Variants in RAB7A observed in about 807,000 individuals in gnomAD.
The protein encoded by RAB7A is RAB7A, member RAS oncogene family.
In RAB7A, 2 loss-of-function variants were observed where a neutral mutation model predicts 24.5. That is an observed-to-expected ratio of 0.08 (90% confidence interval 0.03 to 0.26). The LOEUF (loss-of-function observed/expected upper bound fraction) is 0.26. Among genes scored for constraint, RAB7A ranks in the 10% least tolerant of loss-of-function variants. The pLI is 1.00. For missense variants in RAB7A, 118 were observed against 255.7 expected (o/e 0.46, Z 3.67); for synonymous variants, 100 against 95.9 (o/e 1.04, Z -0.25).
chr3:128,749,857 T>C (rs1465733802), intron 1 of RAB7A, among the ~76,000 whole-genome samples: 1 of 152,224 alleles, frequency 6.6e-6, no homozygotes, highest in South Asian at 2.1e-4. Context: ...GTCATGGGTA[T>C]GTCTTTATCA....
At chr3:128,757,033 C>T (rs983203720) in intron 1 of RAB7A, among the ~76,000 whole-genome samples, 9 of 151,926 alleles carry the variant, frequency 5.9e-5, no homozygotes, top group Admixed American at 3.3e-4. Flanking sequence ...TTAGTAGAGA[C>T]GGGGTTTTGC....
intron 1 of RAB7A, among the ~76,000 whole-genome samples, chr3:128,740,761 G>A (rs1034609064): frequency 7.9e-5 from 12 of 151,456 alleles, no homozygotes; most frequent in Admixed American, 2.0e-4. Context: ...AAAATAGCTG[G>A]GTGTGGTGGC....
intron 1 of RAB7A, among the ~76,000 whole-genome samples, chr3:128,748,221 C>T (rs1212162512): frequency 6.6e-6 from 1 of 152,168 alleles, no homozygotes. Context: ...ACAGGTGACT[C>T]CTTCTGGGTT....
chr3:128,769,647 A>C (rs2107600107), intron 1 of RAB7A, among the ~76,000 whole-genome samples: 1 of 152,342 alleles, frequency 6.6e-6, no homozygotes, highest in Admixed American at 6.5e-5. Flanking sequence ...CCAATTTGTC[A>C]ATCCTTCTAG....
intron 5 of RAB7A, among the ~76,000 whole-genome samples, 181 bp from the exon 6 acceptor site, chr3:128,813,146 C>T (rs1391415232): frequency 1.3e-5 from 2 of 152,212 alleles, no homozygotes; most frequent in Non-Finnish European, 2.9e-5. Context: ...TTGCTACTCC[C>T]CTGAGCATGG....
Position 128,813,434 on chromosome 3 carries a change from G to A in RAB7A, c.*12G>A. 1.2e-6 allele frequency: 2 copies of A among 1,612,112 alleles called. No homozygotes were observed. Among genetic ancestry groups the A allele is most frequent in the Non-Finnish European group, 1.7e-6 (2 of 1,178,356 alleles). Reference sequence around the variant, plus strand: ...GCTGCAGTTGCTGAGGGGGCAGTGAGAGTTGAGCACAGAGTCCTTCACAAA... The same window carrying A: ...GCTGCAGTTGCTGAGGGGGCAGTGAAAGTTGAGCACAGAGTCCTTCACAAA... On this transcript the variant is annotated 3_prime_UTR_variant, in exon 6 of 6. Transcript: ENST00000265062.
rs759012542 is a variant in RAB7A at position 128,737,008 on chromosome 3, C to G, written c.-9+10649C>G. Among the ~76,000 whole-genome samples, 61 of 151,226 alleles carry G rather than the reference C, an allele frequency of 4.0e-4. 1 individual carries two copies. Among genetic ancestry groups the G allele is most frequent in the Non-Finnish European group, 5.9e-5 (4 of 67,962 alleles). On this transcript the variant is annotated intron_variant, in intron 1 of 5. Transcript: ENST00000265062. ...AGATACTGTGTTGCCCGTCTTTACT[C>G]ACTAATCACCTTCCGATCCTAAGAA...
At chr3:128,806,891 C>T (rs1412486076) in intron 4 of RAB7A, among the ~76,000 whole-genome samples, 2 of 152,248 alleles carry the variant, frequency 1.3e-5, no homozygotes, top group East Asian at 3.8e-4. Flanking sequence ...CAGTAGTGCC[C>T]TCCCAGTACC....
At chr3:128,764,991 C>T (rs1670834624) in intron 1 of RAB7A, 1 of 1,594,492 alleles carries the variant, frequency 6.3e-7, no homozygotes, top group Admixed American at 1.7e-5. Flanking sequence ...AGTTCTGGCG[C>T]ACCTGCGAGG....
intron 3 of RAB7A, chr3:128,799,209 G>A (rs1038316511): frequency 2.6e-5 from 4 of 152,098 alleles, no homozygotes; most frequent in East Asian, 1.9e-4. Flanking sequence ...CATGCATTAC[G>A]GAGGCAAGAA....
chr3:128,768,248 T>G (rs2070851537), intron 1 of RAB7A, among the ~76,000 whole-genome samples: 1 of 152,226 alleles, frequency 6.6e-6, no homozygotes, highest in Non-Finnish European at 1.5e-5. Context: ...TTGTGCTGTA[T>G]GTATCTATAG....
intron 1 of RAB7A, among the ~76,000 whole-genome samples, chr3:128,768,969 C>CTTT (rs35457218): frequency 0.051 from 3,704 of 72,618 alleles, 576 homozygotes; most frequent in African/African-American, 0.16. Context: ...TCTTTCTTTC[C>CTTT]TTTTTTTTTT....
At chr3:128,777,421 T>G (rs1295251682) in intron 1 of RAB7A, among the ~76,000 whole-genome samples, 1 of 152,146 alleles carries the variant, frequency 6.6e-6, no homozygotes, top group Non-Finnish European at 1.5e-5. Flanking sequence ...AGGCTGTTCT[T>G]AAACTCCTGG....
intron 1 of RAB7A, among the ~76,000 whole-genome samples, chr3:128,791,339 C>T (rs1933448373): frequency 6.6e-6 from 1 of 152,058 alleles, no homozygotes; most frequent in Non-Finnish European, 1.5e-5. Flanking sequence ...CAGAGTTTTC[C>T]CATGTTGGCC....
intron 1 of RAB7A, among the ~76,000 whole-genome samples, chr3:128,776,945 T>TACACACACACACAC (rs71153145): frequency 2.7e-4 from 39 of 142,450 alleles, no homozygotes; most frequent in Middle Eastern, 3.7e-3. Flanking sequence ...TTAGTTGAGC[T>TACACACACACACAC]ACACACACAC....
intron 1 of RAB7A, among the ~76,000 whole-genome samples, chr3:128,747,410 A>G (rs1466152685): frequency 6.6e-6 from 1 of 151,596 alleles, no homozygotes; most frequent in Non-Finnish European, 1.5e-5. Context: ...AACATGGAGA[A>G]ACTCCATCTC....
intron 2 of RAB7A, among the ~76,000 whole-genome samples, chr3:128,797,150 G>T (rs1933594344): frequency 6.6e-6 from 1 of 152,162 alleles, no homozygotes; most frequent in Admixed American, 6.5e-5. Flanking sequence ...TCCAGGTTTT[G>T]CCACCTCTCA....
At chr3:128,795,158 G>C in intron 1 of RAB7A, 1 of 626,280 alleles carries the variant, frequency 1.6e-6, no homozygotes, top group Non-Finnish European at 2.9e-6. Flanking sequence ...TGGCCCTGCT[G>C]TGCTGTTCTG....
chr3:128,791,813 TC>T (rs1933460154), intron 1 of RAB7A, among the ~76,000 whole-genome samples: 1 of 152,126 alleles, frequency 6.6e-6, no homozygotes, highest in Non-Finnish European at 1.5e-5. Flanking sequence ...CGGCACAGTC[TC>T]CCTGTGCCTG....
Sources: gnomAD v4.1 joint callset for allele counts (sites outside exome capture counted in the v4.1 genomes callset) on GRCh38, gnomAD v4.1.1 for gene constraint, MANE v1.5 for transcripts, NCBI Gene and HGNC (gene_info 2026-07-23, HGNC 2026-07-21) for gene names.